The following CYP4A22 variants were observed in gnomAD, a reference collection of about 807,000 sequenced individuals.
CYP4A22 encodes the protein cytochrome P450 family 4 subfamily A member 22.
A neutral mutation model predicts 56.2 loss-of-function variants in CYP4A22; 46 were observed. The observed-to-expected ratio is 0.82, with a 90% CI of 0.65 to 1.05. CYP4A22 has a LOEUF of 1.05. Ranked by LOEUF, CYP4A22 falls within the 50% of genes least tolerant of loss-of-function variation. The pLI is 0.00. For synonymous variants in CYP4A22, 193 were observed against 251.1 expected (o/e 0.77, Z 2.19); for missense variants, 541 against 645.9 (o/e 0.84, Z 1.76).
chr1:47,143,780 C>A lies in CYP4A22; in HGVS notation c.654C>A (p.Ile218=), dbSNP rs34633530. ...CCCTCAGGAATTCTCAGTCCTACATCCAGGCCATTAGTGACCTGAACAGCC... is the reference window on the plus strand; with the variant it reads ...CCCTCAGGAATTCTCAGTCCTACATACAGGCCATTAGTGACCTGAACAGCC... The part of the protein sequence containing the change: ...IQVDRNSQSY[I]QAISDLNSLV... The change falls in exon 6 of 12, where the codon ATC becomes ATA. Residue 218 remains isoleucine, a synonymous_variant. Coordinates refer to ENST00000371891, the MANE Select transcript of CYP4A22 (RefSeq NM_001010969.4). 1.9e-4 allele frequency: 314 copies of A among 1,612,352 alleles called. No homozygotes were observed. The highest frequency in any genetic ancestry group is 2.4e-4 in the Non-Finnish European group (286 of 1,179,068).
Position 47,143,928 on chromosome 1 carries a change from TCC to T in CYP4A22, c.790+13_790+14del. 1 of 1,600,280 alleles carries T rather than the reference TCC, an allele frequency of 6.2e-7. No homozygotes were observed. The highest frequency in any genetic ancestry group is 1.3e-5 in the African/African-American group (1 of 74,666). On this transcript the variant is annotated intron_variant, in intron 6 of 11. Transcript: ENST00000371891. ...CCATCAGCACACAGGTTCTGTCTCT[TCC>T]TCTTGTCTCCCAGCCTTTCCCAGGC...
At chr1:47,140,469 C>T (rs1466282054) in intron 1 of CYP4A22, among the ~76,000 whole-genome samples, 1 of 152,152 alleles carries the variant, frequency 6.6e-6, no homozygotes, top group African/African-American at 2.4e-5. Flanking sequence ...CAAATCTGCT[C>T]ATCAAGTAAT....
At chr1:47,147,153 G>T in intron 11 of CYP4A22, 1 of 985,422 alleles carries the variant, frequency 1.0e-6, no homozygotes, top group Non-Finnish European at 1.2e-6. Context: ...TCTTCAAATG[G>T]TGAGTCCACT....
chr1:47,145,431 A>G (rs1645065438), intron 9 of CYP4A22, among the ~76,000 whole-genome samples: 1 of 152,224 alleles, frequency 6.6e-6, no homozygotes, highest in South Asian at 2.1e-4. Flanking sequence ...TTCTGGTCCC[A>G]GTCCTGCTAT....
intron 1 of CYP4A22, 95 bp from the exon 2 acceptor site, chr1:47,140,685 C>A: frequency 6.5e-7 from 1 of 1,540,998 alleles, no homozygotes; most frequent in Non-Finnish European, 8.8e-7. Context: ...ATCCCTAACC[C>A]GTGCTACATG....
At chr1:47,142,432 A>G (rs1201734430) in intron 4 of CYP4A22, among the ~76,000 whole-genome samples, 197 bp downstream of exon 4, 3 of 152,214 alleles carry the variant, frequency 2.0e-5, no homozygotes, top group Non-Finnish European at 4.4e-5. Flanking sequence ...GGTCATATCC[A>G]CACTTTGTTC....
At chr1:47,146,212 T>C in intron 11 of CYP4A22, 59 bp downstream of exon 11, 2 of 1,613,150 alleles carry the variant, frequency 1.2e-6, no homozygotes, top group Non-Finnish European at 1.7e-6. Context: ...TGGTCAACCC[T>C]CTGATCTTTG....
chr1:47,148,774 T>C lies in CYP4A22; in HGVS notation c.1537T>C (p.Cys513Arg). ...GCGTCTCAGGAGGCTCCCTAACCCT[T>C]GTGAAGACAAGGACCAGCTTTGAGG... Reference protein sequence around the residue: ...HLRLRRLPNPCEDKDQL With the variant: ...HLRLRRLPNPREDKDQL Residue 513 changes from cysteine (C) to arginine (R), a missense_variant, in exon 12 of 12, where the codon TGT becomes CGT. Cys to Arg is a radical substitution (Grantham distance 180). Coordinates refer to ENST00000371891, the MANE Select transcript of CYP4A22 (RefSeq NM_001010969.4). 5.0e-6 allele frequency: 8 copies of C among 1,610,982 alleles called. No individual in the cohort carries two copies. Among genetic ancestry groups the C allele is most frequent in the Non-Finnish European group, 6.8e-6 (8 of 1,178,342 alleles).
chr1:47,138,325 C>T (rs1341277292), intron 1 of CYP4A22, among the ~76,000 whole-genome samples: 1 of 152,162 alleles, frequency 6.6e-6, no homozygotes, highest in Non-Finnish European at 1.5e-5. Flanking sequence ...ATGAAGGGGG[C>T]AGCCTGCACA....
intron 9 of CYP4A22, 47 bp downstream of exon 9, chr1:47,145,017 G>T: frequency 6.2e-7 from 1 of 1,606,876 alleles, no homozygotes; most frequent in East Asian, 2.2e-5. Flanking sequence ...ACGGGGACGT[G>T]TGGAGGGTGA....
chr1:47,143,365 A>G lies in CYP4A22; in HGVS notation c.607A>G (p.Ser203Gly), dbSNP rs754237745. The change falls in exon 5 of 12, where the codon AGC becomes GGC. Residue 203 changes from serine to glycine, a missense_variant. This residue lies in a region of CYP4A22 where 335 missense variants were observed against 361.2 expected (regional missense o/e 0.93). Coordinates refer to ENST00000371891, the MANE Select transcript of CYP4A22 (RefSeq NM_001010969.4). ...GGACACCATCATGAAGAGTGCCTTC[A>G]GCCATCAGGGCAGCATCCAGGTGGA... ...TLDTIMKSAFSHQGSIQVDRN... is the reference protein window; with the variant it reads ...TLDTIMKSAFGHQGSIQVDRN... The G allele has an allele frequency of 2.8e-5, 45 of 1,613,752 alleles. No individual in the cohort carries two copies. Among genetic ancestry groups the G allele is most frequent in the Non-Finnish European group, 5.1e-6 (6 of 1,179,834 alleles).
At chr1:47,139,852 A>T (rs1162073243) in intron 1 of CYP4A22, among the ~76,000 whole-genome samples, 1 of 152,254 alleles carries the variant, frequency 6.6e-6, no homozygotes, top group African/African-American at 2.4e-5. Flanking sequence ...AGCAAAGCTG[A>T]GTCTTGAAAG....
Position 47,146,402 on chromosome 1 carries a change from G to C in CYP4A22, c.1364+249G>C, listed in dbSNP as rs995210333. 2.2e-6 allele frequency: 3 copies of C among 1,380,684 alleles called. No individual in the cohort carries two copies. In the African/African-American group the frequency reaches 4.4e-5, roughly 20 times the overall value. The allele number at this position is 1,380,684 out of a possible 1,614,324, so 85.5% of individuals were successfully genotyped here. A position where few individuals can be genotyped will look rare whatever the true frequency, so the allele number is the denominator to read the frequency against. On this transcript the variant is annotated intron_variant, in intron 11 of 11. Coordinates refer to ENST00000371891, the MANE Select transcript of CYP4A22 (RefSeq NM_001010969.4). ...TGGGCAGCCTGAATTCACTGTCAGT[G>C]CATGTTCCAAACTTCAGTATATTCA...
chr1:47,147,605 A>G (rs150465160), intron 11 of CYP4A22, among the ~76,000 whole-genome samples: 2,430 of 152,258 alleles, frequency 0.016, 34 homozygotes, highest in Non-Finnish European at 0.027. Flanking sequence ...GTGAGTGTTC[A>G]TGGACAAATC....
rs2056900 is a variant in CYP4A22, at chr1:47,142,113, G to A, written c.388G>A (p.Gly130Ser). Residue 130 changes from glycine to serine, a missense_variant, in exon 4 of 12, where the codon GGC (glycine) becomes AGC (serine). Physicochemically the swap from Gly to Ser is moderately conservative, Grantham distance 56. This residue lies in a region of CYP4A22 where 335 missense variants were observed against 361.2 expected (regional missense o/e 0.93). Transcript: ENST00000371891. ...CATATTCGTGTCTACCTTAGGGTAC[G>A]GCTTGCTCCTGTTGAATGGGCAGAC... Reference protein sequence around the residue: ...YKFLAPRIGYGLLLLNGQTWF... With the variant: ...YKFLAPRIGYSLLLLNGQTWF... 0.23 allele frequency: 378,507 copies of A among 1,611,960 alleles called. 50,484 individuals are homozygous for A. Among genetic ancestry groups the A allele is most frequent in the East Asian group, 0.56 (25,186 of 44,814 alleles).
At chr1:47,141,451 T>A in intron 2 of CYP4A22, 120 bp from the exon 3 acceptor site, 1 of 1,107,452 alleles carries the variant, frequency 9.0e-7, no homozygotes, top group Non-Finnish European at 1.3e-6. Context: ...TGGATGGGAG[T>A]CAAGTGGGAG....
intron 1 of CYP4A22, 41 bp downstream of exon 1, chr1:47,137,721 G>A (rs766706901): frequency 6.4e-6 from 10 of 1,567,762 alleles, no homozygotes; most frequent in South Asian, 6.0e-5. Flanking sequence ...GGCAAGGAGG[G>A]ATGCGGCTCT....
Position 47,137,517 on chromosome 1 carries a change from G to T in CYP4A22, c.32G>T (p.Arg11Leu), listed in dbSNP as rs200538871. Residue 11 changes from arginine (R) to leucine (L), a missense_variant, in exon 1 of 12, where the codon CGC becomes CTC. Physicochemically the swap from Arg to Leu is moderately radical, Grantham distance 102. Transcript: ENST00000371891. ...GTCTCTGTCCTGAGCCCCAGCAGAC[G>T]CCTGGGTGGTGTCTCCGGGATCCTC... Reference protein sequence around the residue: MSVSVLSPSRRLGGVSGILQV... With the variant: MSVSVLSPSRLLGGVSGILQV... 1 of 1,613,972 alleles carries T rather than the reference G, an allele frequency of 6.2e-7. No individual in the cohort carries two copies. The highest frequency in any genetic ancestry group is 1.7e-5 in the Admixed American group (1 of 60,004).
At chr1:47,148,300 G>A (rs1157213009) in intron 11 of CYP4A22, among the ~76,000 whole-genome samples, 3 of 152,228 alleles carry the variant, frequency 2.0e-5, no homozygotes, top group African/African-American at 7.2e-5. Flanking sequence ...ATTTATTCAT[G>A]TGATTAGACT....
Sources: allele counts gnomAD v4.1 joint callset (sites outside exome capture counted in the v4.1 genomes callset), GRCh38; gene constraint gnomAD v4.1.1; regional missense constraint gnomAD v4.1.1; transcripts MANE v1.5; gene names NCBI Gene and HGNC (gene_info 2026-07-23, HGNC 2026-07-21).